GADL1: variants seen among roughly 807,000 people sequenced by gnomAD.
GADL1 encodes acidic amino acid decarboxylase GADL1.
GADL1 carries 71 observed loss-of-function variants against 69.5 expected under a neutral mutation model. The ratio of observed to expected loss-of-function variants is 1.02; its 90% CI spans 0.84 to 1.25. The LOEUF (loss-of-function observed/expected upper bound fraction) is 1.25. Among genes scored for constraint, GADL1 ranks in the 50% most tolerant of loss-of-function variants. GADL1 has a pLI of 0.00. For synonymous variants in GADL1, 254 were observed against 214.4 expected, an observed-to-expected ratio of 1.18 and a Z score of -1.62; for missense variants, 737 against 631.8, an observed-to-expected ratio of 1.17 and a Z score of -1.79.
intron 1 of GADL1, among the ~76,000 whole-genome samples, chr3:30,869,962 G>A (rs1470768128): frequency 6.6e-6 from 1 of 151,818 alleles, no homozygotes; most frequent in Admixed American, 6.6e-5. Flanking sequence ...TTTCAGAGAA[G>A]GGTATTGTTT....
intron 14 of GADL1, among the ~76,000 whole-genome samples, chr3:30,747,957 T>A (rs1166098951): frequency 6.6e-6 from 1 of 152,184 alleles, no homozygotes; most frequent in Non-Finnish European, 1.5e-5. Context: ...CATGAAACCA[T>A]TCAATGGCTG....
chr3:30,764,882 C>T (rs1001045231), intron 14 of GADL1, among the ~76,000 whole-genome samples: 6 of 152,188 alleles, frequency 3.9e-5, no homozygotes, highest in African/African-American at 1.2e-4. Context: ...TGAATTATCC[C>T]TACCTACCCC....
intron 1 of GADL1, among the ~76,000 whole-genome samples, chr3:30,865,971 A>G (rs941710518): frequency 6.6e-6 from 1 of 151,058 alleles, no homozygotes; most frequent in African/African-American, 2.4e-5. Context: ...CTTTGTTCAG[A>G]GAGATACATT....
intron 9 of GADL1, among the ~76,000 whole-genome samples, chr3:30,836,383 A>G (rs1290477494): frequency 1.5e-5 from 2 of 134,136 alleles, no homozygotes; most frequent in Non-Finnish European, 3.0e-5. Flanking sequence ...CAGCTCATCC[A>G]TAAATTTATT....
At chr3:30,776,083 T>TGG (rs34305477) in intron 14 of GADL1, among the ~76,000 whole-genome samples, 3 of 151,190 alleles carry the variant, frequency 2.0e-5, no homozygotes, top group African/African-American at 7.4e-5. Flanking sequence ...GACTCCGTCT[T>TGG]GGAAAAAAAA....
chr3:30,800,806 GACACACACACACACACACACAC>G (rs35529398), intron 12 of GADL1, 61 bp downstream of exon 12: 448 of 727,166 alleles, frequency 6.2e-4, no homozygotes, highest in South Asian at 1.9e-3. Context: ...GACACAGATA[GACACACACACACACACACACAC>G]ACACACACAC....
chr3:30,844,038 C>CA (rs1411343066), intron 8 of GADL1, among the ~76,000 whole-genome samples, 172 bp downstream of exon 8: 4 of 152,238 alleles, frequency 2.6e-5, no homozygotes, highest in Non-Finnish European at 4.4e-5. Context: ...AATAGAACAT[C>CA]TGTAAATGAG....
intron 14 of GADL1, among the ~76,000 whole-genome samples, chr3:30,770,359 C>T (rs1216331838): frequency 1.3e-5 from 2 of 152,218 alleles, no homozygotes; most frequent in Non-Finnish European, 2.9e-5. Flanking sequence ...GTAGACCTTA[C>T]ACGAACAGAC....
chr3:30,782,988 A>C (rs1001506393), intron 13 of GADL1, among the ~76,000 whole-genome samples: 1 of 152,212 alleles, frequency 6.6e-6, no homozygotes, highest in Non-Finnish European at 1.5e-5. Flanking sequence ...GATACATATT[A>C]GTAGGTTCAC....
At chr3:30,790,461 C>T (rs1360044108) in intron 12 of GADL1, among the ~76,000 whole-genome samples, 3 of 152,112 alleles carry the variant, frequency 2.0e-5, no homozygotes, top group African/African-American at 4.8e-5. Context: ...GCAGGATTAC[C>T]ACAAGCCCTC....
At chr3:30,753,649 G>A (rs1458519798) in intron 14 of GADL1, among the ~76,000 whole-genome samples, 1 of 152,054 alleles carries the variant, frequency 6.6e-6, no homozygotes, top group Non-Finnish European at 1.5e-5. Flanking sequence ...GTTTACTTGC[G>A]GGATGTGGCT....
At chr3:30,791,591 T>C (rs1696917089) in intron 12 of GADL1, among the ~76,000 whole-genome samples, 1 of 152,202 alleles carries the variant, frequency 6.6e-6, no homozygotes, top group Non-Finnish European at 1.5e-5. Context: ...AAAGGCATCC[T>C]AAAACAGAGC....
chr3:30,851,005 A>T, intron 4 of GADL1, 64 bp from the exon 5 acceptor site: 1 of 957,324 alleles, frequency 1.0e-6, no homozygotes, highest in Non-Finnish European at 1.6e-6. Context: ...TTGGTGTCCC[A>T]AGAAATGCAC....
intron 6 of GADL1, 135 bp downstream of exon 6, chr3:30,849,861 A>G (rs1033332870): frequency 5.6e-6 from 3 of 537,202 alleles, no homozygotes; most frequent in African/African-American, 3.9e-5. Context: ...TTACTTTGGA[A>G]TGAAATACTA....
At chr3:30,826,060 T>C (rs1025403765) in intron 11 of GADL1, among the ~76,000 whole-genome samples, 5 of 151,938 alleles carry the variant, frequency 3.3e-5, no homozygotes, top group East Asian at 3.9e-4. Flanking sequence ...ATGCTTATTA[T>C]GGCATAAATT....
chr3:30,890,299 C>G (rs1698769091), intron 1 of GADL1, among the ~76,000 whole-genome samples: 1 of 152,030 alleles, frequency 6.6e-6, no homozygotes, highest in Non-Finnish European at 1.5e-5. Context: ...ATATATGTAC[C>G]TATTATGTGC....
chr3:30,777,202 T>A (rs778729778), intron 14 of GADL1, among the ~76,000 whole-genome samples: 4 of 152,072 alleles, frequency 2.6e-5, no homozygotes, highest in Non-Finnish European at 5.9e-5. Context: ...AGTCTTTTGT[T>A]TTTTGTCTTC....
At chr3:30,757,244 G>C (rs938421826) in intron 14 of GADL1, among the ~76,000 whole-genome samples, 1 of 152,028 alleles carries the variant, frequency 6.6e-6, no homozygotes, top group African/African-American at 2.4e-5. Flanking sequence ...TCTCAATCAA[G>C]AGTCAAATAC....
chr3:30,804,912 G>A (rs1220081270), intron 11 of GADL1, among the ~76,000 whole-genome samples: 3 of 152,138 alleles, frequency 2.0e-5, no homozygotes, highest in African/African-American at 7.2e-5. Context: ...GAAGCCAATT[G>A]GCAAAAGAGC....
Sources: gnomAD v4.1 joint callset for allele counts (sites outside exome capture counted in the v4.1 genomes callset) on GRCh38, gnomAD v4.1.1 for gene constraint, MANE v1.5 for transcripts, NCBI Gene and HGNC (gene_info 2026-07-23, HGNC 2026-07-21) for gene names.